The following NTRK3 variants were observed in gnomAD, a reference collection of about 807,000 sequenced individuals.
NTRK3 encodes NT-3 growth factor receptor.
A neutral mutation model predicts 91.7 loss-of-function variants in NTRK3; 24 were observed. That is an observed-to-expected ratio of 0.26 (90% CI 0.19 to 0.37). The LOEUF (loss-of-function observed/expected upper bound fraction) is 0.37, where lower values mean the gene tolerates loss of function less well. Ranked by LOEUF, NTRK3 falls within the 10% of genes least tolerant of loss-of-function variation. The pLI, the probability that NTRK3 is intolerant of heterozygous loss-of-function variation, is 1.00. For synonymous variants in NTRK3, 483 were observed against 404.0 expected (o/e 1.20, Z -2.34); for missense variants, 880 against 1,068.9 (o/e 0.82, Z 2.46).
chr15:87,939,266 C>CT (rs1567130375), intron 15 of NTRK3, among the ~76,000 whole-genome samples: 1 of 152,072 alleles, frequency 6.6e-6, no homozygotes, highest in African/African-American at 2.4e-5. Context: ...TTTATTGAGT[C>CT]TTTACTCAAT....
At chr15:88,228,336 C>T (rs987711999) in intron 3 of NTRK3, among the ~76,000 whole-genome samples, 20 of 152,284 alleles carry the variant, frequency 1.3e-4, no homozygotes, top group African/African-American at 4.6e-4. Flanking sequence ...ACACCTCCCG[C>T]TGGATCTCCC....
chr15:88,093,019 AT>A (rs1341045742), intron 13 of NTRK3, among the ~76,000 whole-genome samples: 1 of 129,224 alleles, frequency 7.7e-6, no homozygotes, highest in East Asian at 2.5e-4. Context: ...TTAGGACCTG[AT>A]TTTTTGTTTC....
At position 88,224,859 on chromosome 15, in the gene NTRK3, G is replaced by A. The variant is rs561614030; in HGVS notation, c.248+31047C>T. Among the ~76,000 whole-genome samples the A allele has an allele frequency of 4.1e-3, 626 of 152,348 alleles. 3 individuals are homozygous for A. The highest frequency in any genetic ancestry group is 0.01 in the Middle Eastern group (3 of 294). The stretch of plus-strand genomic sequence containing the variant: ...GAGGCAGGCAGAGTGGCAGAGGTGT[G>A]CACAAGGCCCTCACTCTTGGCACTG... On this transcript the variant is annotated intron_variant, in intron 3 of 18. Coordinates refer to ENST00000394480, the Ensembl canonical transcript of NTRK3.
chr15:87,915,682 G>A (rs1049149779), intron 17 of NTRK3, among the ~76,000 whole-genome samples: 3 of 152,184 alleles, frequency 2.0e-5, no homozygotes, highest in African/African-American at 7.2e-5. Flanking sequence ...ACCTTGGCTT[G>A]TAACTTAAAA....
chr15:88,178,381 G>A (rs1049213027), intron 5 of NTRK3, among the ~76,000 whole-genome samples: 2 of 152,102 alleles, frequency 1.3e-5, no homozygotes, highest in African/African-American at 2.4e-5. Flanking sequence ...GAAAGGGTAG[G>A]GATCCTAGCC....
At chr15:88,200,408 C>T (rs1188362322) in intron 3 of NTRK3, among the ~76,000 whole-genome samples, 1 of 152,214 alleles carries the variant, frequency 6.6e-6, no homozygotes, top group Non-Finnish European at 1.5e-5. Context: ...CCCTCCTGCA[C>T]CACTGATATG....
rs143912139 is a variant in NTRK3, at chr15:87,928,947, T to C, written c.2133+244A>G. ...ACGTAAGAACACAATGCATATGTTA[T>C]TGCAATGTACAGATTACAGTTCAGT... On this transcript the variant is annotated intron_variant, in intron 17 of 18. Coordinates refer to ENST00000394480, the Ensembl canonical transcript of NTRK3. 1,644 of 608,122 alleles carry C rather than the reference T, an allele frequency of 2.7e-3. 48 individuals carry two copies. In the Admixed American group the frequency reaches 0.043, roughly 16 times the overall value. The allele number at this position is 608,122 out of a possible 1,614,324, so 37.7% of individuals were successfully genotyped here. A position where few individuals can be genotyped will look rare whatever the true frequency, so the allele number is the denominator to read the frequency against.
At chr15:87,930,303 C>G (rs1407734638) in intron 16 of NTRK3, among the ~76,000 whole-genome samples, 1 of 152,188 alleles carries the variant, frequency 6.6e-6, no homozygotes, top group Admixed American at 6.5e-5. Flanking sequence ...AGCATTCACT[C>G]TTTTCTCTAG....
At chr15:87,919,052 C>T (rs2067660601) in intron 17 of NTRK3, among the ~76,000 whole-genome samples, 1 of 152,146 alleles carries the variant, frequency 6.6e-6, no homozygotes, top group South Asian at 2.1e-4. Context: ...AACCTAGTTT[C>T]CATGCAGTGG....
chr15:88,002,640 G>C (rs1431818699), intron 14 of NTRK3, among the ~76,000 whole-genome samples: 2 of 143,290 alleles, frequency 1.4e-5, no homozygotes, highest in Non-Finnish European at 3.0e-5. Flanking sequence ...GAAATAAAAA[G>C]AGACAGTTTT....
intron 13 of NTRK3, among the ~76,000 whole-genome samples, chr15:88,064,187 C>G (rs192228701): frequency 3.3e-5 from 5 of 152,352 alleles, no homozygotes; most frequent in Non-Finnish European, 7.3e-5. Flanking sequence ...GAGACAAAGA[C>G]AGATTTCTCT....
At chr15:88,091,616 G>T (rs1012542560) in intron 13 of NTRK3, among the ~76,000 whole-genome samples, 5 of 152,090 alleles carry the variant, frequency 3.3e-5, no homozygotes, top group African/African-American at 1.2e-4. Flanking sequence ...TGGGCACAAG[G>T]GTAGGGAGAT....
At chr15:88,006,301 G>A (rs1415563396) in intron 14 of NTRK3, among the ~76,000 whole-genome samples, 1 of 152,174 alleles carries the variant, frequency 6.6e-6, no homozygotes, top group Non-Finnish European at 1.5e-5. Context: ...ATTACACAGG[G>A]ATGAAACTTC....
chr15:88,210,039 G>T (rs2049109882), intron 3 of NTRK3: 1 of 152,274 alleles, frequency 6.6e-6, no homozygotes, highest in African/African-American at 2.4e-5. Flanking sequence ...CACCCGGCAG[G>T]TCACATCCAG....
At chr15:88,097,321 C>A (rs558942677) in intron 13 of NTRK3, among the ~76,000 whole-genome samples, 1 of 152,246 alleles carries the variant, frequency 6.6e-6, no homozygotes, top group South Asian at 2.1e-4. Flanking sequence ...GTTAGCATGA[C>A]AAATGTACCA....
rs150082925 is a variant in NTRK3 at position 88,004,723 on chromosome 15, G to A, written c.1585+28134C>T. Among the ~76,000 whole-genome samples the A allele has an allele frequency of 5.7e-3, 864 of 152,318 alleles. 10 individuals are homozygous for A. Among genetic ancestry groups the A allele is most frequent in the African/African-American group, 0.02 (822 of 41,560 alleles). Reference sequence around the variant, plus strand: ...AGAAACATTTATAAGGATTTAGCAGGTGTGGGAGAGTGTGAGAGGCCAAAC... The same window carrying A: ...AGAAACATTTATAAGGATTTAGCAGATGTGGGAGAGTGTGAGAGGCCAAAC... On this transcript the variant is annotated intron_variant, in intron 14 of 18. Transcript: ENST00000394480.
At chr15:87,903,080 CT>C (rs1171992537) in intron 17 of NTRK3, among the ~76,000 whole-genome samples, 2 of 152,188 alleles carry the variant, frequency 1.3e-5, no homozygotes, top group Non-Finnish European at 2.9e-5. Context: ...CCGGATGCAT[CT>C]GCCTGGAGAT....
At chr15:88,059,673 C>A (rs2142443715) in intron 13 of NTRK3, among the ~76,000 whole-genome samples, 1 of 152,204 alleles carries the variant, frequency 6.6e-6, no homozygotes, top group Middle Eastern at 3.4e-3. Flanking sequence ...CTGCTTCTAC[C>A]CAGAGCTATG....
At chr15:87,935,302 G>A (rs991562248) in intron 15 of NTRK3, among the ~76,000 whole-genome samples, 4 of 152,192 alleles carry the variant, frequency 2.6e-5, no homozygotes, top group Non-Finnish European at 5.9e-5. Flanking sequence ...GCAAGGACAT[G>A]TGATCAGCCC....
Sources: gnomAD v4.1 joint callset for allele counts (sites outside exome capture counted in the v4.1 genomes callset) on GRCh38, gnomAD v4.1.1 for gene constraint, MANE v1.5 for transcripts, NCBI Gene and HGNC (gene_info 2026-07-23, HGNC 2026-07-21) for gene names.